FRMPD4: variants seen among roughly 807,000 people sequenced by gnomAD.
FRMPD4 encodes FERM and PDZ domain containing 4.
A neutral mutation model predicts 94.1 loss-of-function variants in FRMPD4; 22 were observed. The observed-to-expected ratio is 0.23, with a 90% CI of 0.17 to 0.33. The LOEUF (loss-of-function observed/expected upper bound fraction) is 0.33, where lower values mean the gene tolerates loss of function less well. Ranked by LOEUF, FRMPD4 falls within the 10% of genes least tolerant of loss-of-function variation. The pLI is 1.00. For synonymous variants in FRMPD4, 631 were observed against 548.6 expected, an observed-to-expected ratio of 1.15 and a Z score of -2.10; for missense variants, 1,111 against 1,339.9, an observed-to-expected ratio of 0.83 and a Z score of 2.67.
chrX:12,547,014 A>T (rs1404683536), intron 2 of FRMPD4, among the ~76,000 whole-genome samples: 1 of 7,584 alleles, frequency 1.3e-4, no homozygotes, highest in African/African-American at 4.8e-4. Flanking sequence ...GTCTCTTTAA[A>T]AAAAAAAAAA....
At chrX:11,980,660 G>A (rs911613695) in intron 3 of FRMPD4, among the ~76,000 whole-genome samples, 1 of 111,309 alleles carries the variant, frequency 9.0e-6, no homozygotes, top group Non-Finnish European at 1.9e-5. Flanking sequence ...ATACATATAG[G>A]ATGATGAGCA....
chrX:12,157,187 C>A (rs910240904), intron 1 of FRMPD4, among the ~76,000 whole-genome samples: 5 of 111,890 alleles, frequency 4.5e-5, no homozygotes, highest in Admixed American at 2.8e-4. Flanking sequence ...CTGATTGTTT[C>A]ATTTTATCCT....
intron 1 of FRMPD4, among the ~76,000 whole-genome samples, chrX:12,283,209 G>A: frequency 8.8e-6 from 1 of 113,189 alleles, no homozygotes; most frequent in East Asian, 2.8e-4. Context: ...GTTCCATCTG[G>A]TGCTGTGAGG....
intron 2 of FRMPD4, among the ~76,000 whole-genome samples, chrX:12,539,180 T>G (rs1264848952): frequency 2.7e-5 from 3 of 111,678 alleles, no homozygotes; most frequent in South Asian, 7.6e-4. Context: ...TGGAAGAAAG[T>G]GTATCAGTGA....
chrX:12,119,346 C>A (rs1569161915), intron 3 of FRMPD4, among the ~76,000 whole-genome samples: 1 of 111,665 alleles, frequency 9.0e-6, no homozygotes, highest in Non-Finnish European at 1.9e-5. Flanking sequence ...CCCAGTTCAC[C>A]ATGATTTAGA....
At chrX:12,032,196 CATACAGTACTTGAAGCCATAG>C (rs2054696136) in intron 3 of FRMPD4, among the ~76,000 whole-genome samples, 1 of 111,961 alleles carries the variant, frequency 8.9e-6, no homozygotes, top group Non-Finnish European at 1.9e-5. Context: ...GAATCATCAT[CATACAGTACTTGAAGCCATAG>C]AAGTTGAAAC....
intron 3 of FRMPD4, among the ~76,000 whole-genome samples, chrX:12,101,411 T>C (rs1249068449): frequency 9.0e-6 from 1 of 111,475 alleles, no homozygotes; most frequent in Non-Finnish European, 1.9e-5. Context: ...TTTCTATCAA[T>C]TGATCCTAGT....
chrX:12,633,673 T>C (rs1289497719), intron 4 of FRMPD4, among the ~76,000 whole-genome samples: 1 of 112,428 alleles, frequency 8.9e-6, no homozygotes, highest in African/African-American at 3.2e-5. Flanking sequence ...TTTTTAATGT[T>C]AGACAAAATA....
At chrX:12,180,834 C>T (rs12840160) in intron 1 of FRMPD4, among the ~76,000 whole-genome samples, 34,476 of 110,728 alleles carry the variant, frequency 0.31, 4,710 homozygotes, top group African/African-American at 0.54. Flanking sequence ...TTTACCAGAA[C>T]AGAAGATGGT....
chrX:11,919,125 G>A (rs1262614139), intron 3 of FRMPD4, among the ~76,000 whole-genome samples: 1 of 112,481 alleles, frequency 8.9e-6, no homozygotes, highest in African/African-American at 3.2e-5. Flanking sequence ...CTCAGTGTCA[G>A]CATTGCTGGT....
intron 2 of FRMPD4, among the ~76,000 whole-genome samples, chrX:12,577,470 G>A (rs750049011): frequency 1.8e-5 from 2 of 110,998 alleles, no homozygotes; most frequent in South Asian, 7.8e-4. Context: ...TATGCCTCAA[G>A]AAGAGGGCAG....
chrX:12,150,783 T>A (rs2055838130), intron 1 of FRMPD4, among the ~76,000 whole-genome samples: 1 of 111,690 alleles, frequency 9.0e-6, no homozygotes, highest in Non-Finnish European at 1.9e-5. Context: ...ACCCAAGTGC[T>A]CTGAGGGAGA....
chrX:11,840,848 C>T (rs2053531140), intron 1 of FRMPD4, among the ~76,000 whole-genome samples: 1 of 106,565 alleles, frequency 9.4e-6, no homozygotes, highest in South Asian at 4.3e-4. Context: ...CACCCATTAA[C>T]TCGTCATTTA....
rs748870404 is a variant in FRMPD4, at chrX:12,168,872, G to A, written c.41+29860G>A. ...CATTTCCTGACCTCGTGATCTGCCC[G>A]CCTCGGCCTCCCAGAGTGCTGGGAT... On this transcript the variant is annotated intron_variant, in intron 1 of 16. Transcript: ENST00000675598. 1.2e-4 allele frequency among the ~76,000 whole-genome samples: 13 copies of A among 111,342 alleles called. No individual in the cohort carries two copies. In the South Asian group the frequency reaches 1.9e-3, roughly 16 times the overall value.
intron 1 of FRMPD4, among the ~76,000 whole-genome samples, chrX:12,380,007 A>G (rs2056297928): frequency 9.0e-6 from 1 of 111,182 alleles, no homozygotes; most frequent in Non-Finnish European, 1.9e-5. Flanking sequence ...TCTCCGGGGG[A>G]AATCAGTATT....
intron 8 of FRMPD4, among the ~76,000 whole-genome samples, chrX:12,693,392 C>A (rs1361644964): frequency 3.6e-5 from 4 of 111,740 alleles, no homozygotes; most frequent in African/African-American, 1.3e-4. Context: ...CCTTTTGTTG[C>A]AAAAGGAATT....
chrX:11,856,021 A>G (rs930812711), intron 1 of FRMPD4, among the ~76,000 whole-genome samples: 1 of 112,246 alleles, frequency 8.9e-6, no homozygotes, highest in Non-Finnish European at 1.9e-5. Flanking sequence ...TTACAATTCC[A>G]CACAGCTGGG....
intron 2 of FRMPD4, among the ~76,000 whole-genome samples, chrX:12,523,336 G>T (rs990424837): frequency 8.9e-6 from 1 of 112,018 alleles, no homozygotes; most frequent in African/African-American, 3.2e-5. Flanking sequence ...TTAGCCTGAG[G>T]TTTGGTGCTC....
At chrX:11,906,945 A>C (rs1001633194) in intron 3 of FRMPD4, among the ~76,000 whole-genome samples, 4 of 110,754 alleles carry the variant, frequency 3.6e-5, no homozygotes, top group African/African-American at 1.3e-4. Flanking sequence ...CTATGGATCT[A>C]TTTCATGTTT....
Sources: allele counts gnomAD v4.1 joint callset (sites outside exome capture counted in the v4.1 genomes callset), GRCh38; gene constraint gnomAD v4.1.1; transcripts MANE v1.5; gene names NCBI Gene and HGNC (gene_info 2026-07-23, HGNC 2026-07-21).